PTCH1: variants seen among roughly 807,000 people sequenced by gnomAD.
PTCH1 encodes patched 1.
PTCH1 carries 14 observed loss-of-function variants against 144.6 expected under a neutral mutation model. That is an observed-to-expected ratio of 0.10 (90% CI 0.06 to 0.15). The LOEUF (loss-of-function observed/expected upper bound fraction) is 0.15, where lower values mean the gene tolerates loss of function less well. Ranked by LOEUF, PTCH1 falls within the 10% of genes least tolerant of loss-of-function variation. The pLI is 1.00. For missense variants in PTCH1, 1,623 were observed against 1,948.3 expected (o/e 0.83, Z 3.14); for synonymous variants, 833 against 793.6 (o/e 1.05, Z -0.83).
rs376941050 is a variant in PTCH1 at position 95,485,906 on chromosome 9, G to A, written c.395-32C>T. The A allele has an allele frequency of 4.3e-6, 7 of 1,610,640 alleles. No homozygotes were observed. In the African/African-American group the frequency reaches 9.4e-5, roughly 22 times the overall value. ...AATATGTACAGGTTTAATTAGAATA[G>A]CAAAATCACTGCAAACTCATGTTTT... On this transcript the variant is annotated intron_variant, in intron 2 of 23. Transcript: ENST00000331920.
chr9:95,482,463 T>A (rs367642858), intron 3 of PTCH1: 11 of 528,880 alleles, frequency 2.1e-5, no homozygotes, highest in East Asian at 2.0e-4. Flanking sequence ...TTCTTAAGTG[T>A]TCTCCCAATA....
At chr9:95,505,870 C>A (rs1362560656) in intron 2 of PTCH1, among the ~76,000 whole-genome samples, 2 of 149,082 alleles carry the variant, frequency 1.3e-5, no homozygotes, top group Non-Finnish European at 3.0e-5. Flanking sequence ...GCCTCCGCAG[C>A]CCCGCGCTGC....
chr9:95,451,304 A>G (rs1166458815), intron 20 of PTCH1: 1 of 152,210 alleles, frequency 6.6e-6, no homozygotes, highest in Non-Finnish European at 1.5e-5. Flanking sequence ...AAACAGGCCA[A>G]TTAGATTTCT....
Position 95,458,329 on chromosome 9 carries a change from G to T in PTCH1, c.2888-36C>A. Reference sequence around the variant, plus strand: ...AAGGGCACAGGTTAGGAGCAGCCCAGGGTAGAAGAGCATCACAGTTTCAAT... The same window carrying T: ...AAGGGCACAGGTTAGGAGCAGCCCATGGTAGAAGAGCATCACAGTTTCAAT... On this transcript the variant is annotated intron_variant, in intron 17 of 23. Transcript: ENST00000331920. This position sits in a 1 kb window ranked among gnomAD's most constrained non-coding sequence, Gnocchi z 4.7. 1 of 1,606,520 alleles carries T rather than the reference G, an allele frequency of 6.2e-7. No individual in the cohort carries two copies.
rs745365950 is a variant in PTCH1, at chr9:95,446,198, CAT to C, written c.*193_*194del. The C allele has an allele frequency of 6.0e-5, 22 of 368,854 alleles. No homozygotes were observed. Among genetic ancestry groups the C allele is most frequent in the Middle Eastern group, 6.1e-4 (1 of 1,642 alleles). The allele number at this position is 368,854 out of a possible 1,614,324, so 22.8% of individuals were successfully genotyped here. ...TTACATCCTTCCTTCCTATATTACA[CAT>C]GTGTACATCTCTTAAATATTTATAG... On this transcript the variant is annotated 3_prime_UTR_variant, in exon 24 of 24. Transcript: ENST00000331920.
intron 2 of PTCH1, among the ~76,000 whole-genome samples, chr9:95,504,244 T>G (rs190216066): frequency 1.3e-5 from 2 of 152,090 alleles, no homozygotes; most frequent in African/African-American, 4.8e-5. Flanking sequence ...CCCTCAGAAG[T>G]GTCCTCATCC....
chr9:95,470,006 T>G (rs1172910523), intron 12 of PTCH1, 75 bp from the exon 13 acceptor site: 1 of 1,080,986 alleles, frequency 9.3e-7, no homozygotes, highest in Non-Finnish European at 1.4e-6. Context: ...AAAATAAAGA[T>G]GCTTTTAAAC....
chr9:95,492,738 G>A (rs942989261), intron 2 of PTCH1, among the ~76,000 whole-genome samples: 5 of 151,730 alleles, frequency 3.3e-5, no homozygotes, highest in Non-Finnish European at 7.4e-5. Flanking sequence ...TTTAGAATGC[G>A]TGAAATATGA....
At chr9:95,467,081 G>C (rs1283363506) in intron 15 of PTCH1, 35 bp downstream of exon 15, 1 of 1,605,200 alleles carries the variant, frequency 6.2e-7, no homozygotes, top group Non-Finnish European at 8.5e-7. Flanking sequence ...ACACGCAAAA[G>C]ACCGAAAGGA....
At chr9:95,507,108 T>C (rs1435485211) in intron 1 of PTCH1, 8 of 984,294 alleles carry the variant, frequency 8.1e-6, no homozygotes, top group Non-Finnish European at 8.4e-6. Flanking sequence ...CCGAGAATGG[T>C]AGTAAGTGGG....
At chr9:95,463,250 G>A (rs1037760693) in intron 15 of PTCH1, among the ~76,000 whole-genome samples, 2 of 151,968 alleles carry the variant, frequency 1.3e-5, no homozygotes, top group Admixed American at 6.6e-5. Flanking sequence ...GGGAGCACAG[G>A]CCCCCTTCTG....
intron 6 of PTCH1, 110 bp downstream of exon 6, chr9:95,480,280 A>C (rs1367469893): frequency 1.4e-5 from 21 of 1,541,018 alleles, no homozygotes; most frequent in Non-Finnish European, 1.8e-5. Context: ...GACAAAGACG[A>C]TCATGGAGAA....
chr9:95,455,791 C>G (rs905694061), intron 19 of PTCH1, among the ~76,000 whole-genome samples: 1 of 152,178 alleles, frequency 6.6e-6, no homozygotes, highest in African/African-American at 2.4e-5. Context: ...CACTCCTAAG[C>G]CCGAGGGTAC....
intron 1 of PTCH1, 80 bp from the exon 2 acceptor site, chr9:95,506,679 C>G: frequency 7.4e-7 from 1 of 1,351,018 alleles, no homozygotes; most frequent in Non-Finnish European, 9.7e-7. Context: ...CGCACCCGCC[C>G]GGTGAGCCCC....
At chr9:95,446,444 C>G in intron 23 of PTCH1, 53 bp from the exon 24 acceptor site, 1 of 516,890 alleles carries the variant, frequency 1.9e-6, no homozygotes, top group Non-Finnish European at 3.9e-6. Context: ...TGTGCAAGTC[C>G]GTATTTATAA....
In PTCH1 at chr9:95,460,023, G is replaced by A. The variant is rs1588545888; in HGVS notation, c.2704-240C>T. 7.2e-6 allele frequency: 4 copies of A among 553,772 alleles called. No individual in the cohort carries two copies. The East Asian group carries it at 1.3e-4, about 18-fold the overall frequency. The allele number at this position is 553,772 out of a possible 1,614,324, so 34.3% of individuals were successfully genotyped here. A position where few individuals can be genotyped will look rare whatever the true frequency, so the allele number is the denominator to read the frequency against. On this transcript the variant is annotated intron_variant, in intron 16 of 23. Transcript: ENST00000331920. ...CAGTTCTGCAGATGGCCCAGGAATT[G>A]GCTGAACCAATTAAATCTGAATGCT... is the stretch of plus-strand genomic sequence containing the variant.
chr9:95,462,867 T>C (rs543842812), intron 15 of PTCH1, among the ~76,000 whole-genome samples: 1 of 152,254 alleles, frequency 6.6e-6, no homozygotes, highest in East Asian at 1.9e-4. Context: ...AAACCATCAT[T>C]ACAGACCTGA....
At chr9:95,462,576 C>A (rs1839587809) in intron 15 of PTCH1, among the ~76,000 whole-genome samples, 1 of 152,224 alleles carries the variant, frequency 6.6e-6, no homozygotes. Context: ...ACAGCCAACA[C>A]CTATTCACTC....
In PTCH1 at chr9:95,477,722, G is replaced by A. The variant is rs771558986; in HGVS notation, c.1348-20C>T. On this transcript the variant is annotated intron_variant, in intron 9 of 23. Coordinates refer to ENST00000331920, the MANE Select transcript of PTCH1 (RefSeq NM_000264.5). ...GGCGAGCTGCAAGCAGAACAATGGG[G>A]GCACAGAACAAAAGCCGAACATTAG... is the stretch of plus-strand genomic sequence containing the variant. The A allele has an allele frequency of 5.0e-6, 8 of 1,613,762 alleles. No individual in the cohort carries two copies. The Admixed American group carries it at 1.0e-4, about 20-fold the overall frequency.
Sources: gnomAD v4.1 joint callset for allele counts (sites outside exome capture counted in the v4.1 genomes callset) on GRCh38, gnomAD v4.1.1 for gene constraint, Gnocchi (gnomAD v3.1) non-coding constraint, MANE v1.5 for transcripts, NCBI Gene and HGNC (gene_info 2026-07-23, HGNC 2026-07-21) for gene names.